Variants in BCL2 observed in about 807,000 individuals in gnomAD.
The protein encoded by BCL2 is BCL2 apoptosis regulator.
Under a neutral mutation model 14.2 loss-of-function variants are expected in BCL2, and 1 was observed. That is an observed-to-expected ratio of 0.07 (90% CI 0.02 to 0.33). BCL2 has a LOEUF of 0.33. BCL2 is among the 10% of genes least tolerant of loss of function. BCL2 has a pLI of 0.99. For synonymous variants in BCL2, 151 were observed against 137.2 expected (o/e 1.10, Z -0.70); for missense variants, 247 against 305.9 (o/e 0.81, Z 1.44).
Position 63,318,744 on chromosome 18 carries a change from G to A in BCL2, c.-78C>T. On this transcript the variant is annotated 5_prime_UTR_variant, in exon 2 of 3. Transcript: ENST00000333681. This position sits in a 1 kb window ranked among gnomAD's most constrained non-coding sequence, Gnocchi z 7.4. ...CACCCCACGGCCCCCAGAGAAAGAAGAGGAGTTATAATCCAGCTATTTTAT... is the reference window on the plus strand; with the variant it reads ...CACCCCACGGCCCCCAGAGAAAGAAAAGGAGTTATAATCCAGCTATTTTAT... The A allele has an allele frequency of 6.3e-7, 1 of 1,590,586 alleles. No homozygotes were observed. The highest frequency in any genetic ancestry group is 8.6e-7 in the Non-Finnish European group (1 of 1,169,086).
At chr18:63,177,604 G>C (rs1915379031) in intron 2 of BCL2, among the ~76,000 whole-genome samples, 1 of 152,232 alleles carries the variant, frequency 6.6e-6, no homozygotes, top group Non-Finnish European at 1.5e-5. Flanking sequence ...CATTTTAAAT[G>C]GGCTGGCTAC....
chr18:63,209,891 GT>G (rs1391128166), intron 2 of BCL2, among the ~76,000 whole-genome samples: 1 of 152,148 alleles, frequency 6.6e-6, no homozygotes, highest in African/African-American at 2.4e-5. Flanking sequence ...AGGGTCTAGT[GT>G]TTAAAGAGAG....
chr18:63,212,932 A>G (rs1320682401), intron 2 of BCL2, among the ~76,000 whole-genome samples: 8 of 152,182 alleles, frequency 5.3e-5, no homozygotes, highest in Admixed American at 4.6e-4. Flanking sequence ...TAGGAAAGAG[A>G]CTGCAGGAAA....
intron 2 of BCL2, among the ~76,000 whole-genome samples, chr18:63,271,842 C>T (rs1305405677): frequency 6.6e-6 from 1 of 152,150 alleles, no homozygotes; most frequent in Non-Finnish European, 1.5e-5. Flanking sequence ...CCTTTCTTTC[C>T]TTTGAAACAG....
Position 63,149,103 on chromosome 18 carries a change from C to T in BCL2, c.586-20344G>A, listed in dbSNP as rs544304328. ...GCTGACACCTCTGTCTCTTTGATAA[C>T]GTTTACATTATGAGAAAAGAATCAA... On this transcript the variant is annotated intron_variant, in intron 2 of 2. Coordinates refer to ENST00000333681, the MANE Select transcript of BCL2 (RefSeq NM_000633.3). The surrounding 1 kb of genome is among the most constrained non-coding windows in gnomAD (Gnocchi z 4.2). Among the ~76,000 whole-genome samples the T allele has an allele frequency of 5.3e-5, 8 of 152,298 alleles. No homozygotes were observed. Among genetic ancestry groups the T allele is most frequent in the East Asian group, 1.9e-4 (1 of 5,190 alleles).
chr18:63,203,652 C>T lies in BCL2; in HGVS notation c.586-74893G>A, dbSNP rs1490673842. Among the ~76,000 whole-genome samples, 7 of 152,208 alleles carry T rather than the reference C, an allele frequency of 4.6e-5. No individual in the cohort carries two copies. In the East Asian group the frequency reaches 1.4e-3, roughly 29 times the overall value. On this transcript the variant is annotated intron_variant, in intron 2 of 2. Transcript: ENST00000333681. ...AGTTGGGGCAAGTTAGGTAACTTCT[C>T]TAAGCCTTTAAATACATTCATACAT...
chr18:63,210,098 C>A (rs1909958736), intron 2 of BCL2, among the ~76,000 whole-genome samples: 1 of 152,120 alleles, frequency 6.6e-6, no homozygotes, highest in Non-Finnish European at 1.5e-5. Flanking sequence ...CTTGAGGAAG[C>A]TAAAGACATG....
chr18:63,260,361 A>C (rs973953475), intron 2 of BCL2, among the ~76,000 whole-genome samples: 1 of 152,192 alleles, frequency 6.6e-6, no homozygotes, highest in African/African-American at 2.4e-5. Flanking sequence ...TGGATCTCCA[A>C]GTTCTGGATT....
chr18:63,287,012 T>A (rs1018088409), intron 2 of BCL2, among the ~76,000 whole-genome samples: 2 of 152,234 alleles, frequency 1.3e-5, no homozygotes, highest in Admixed American at 1.3e-4. Flanking sequence ...AAACATCTTC[T>A]GTAGACATCT....
chr18:63,124,865 A>C lies in BCL2; in HGVS notation c.*3760T>G, dbSNP rs1343004355. 1 of 227,346 alleles carries C rather than the reference A, an allele frequency of 4.4e-6. No homozygotes were observed. Among genetic ancestry groups the C allele is most frequent in the East Asian group, 6.3e-5 (1 of 15,838 alleles). The allele number at this position is 227,346 out of a possible 1,614,324, so 14.1% of individuals were successfully genotyped here. A position where few individuals can be genotyped will look rare whatever the true frequency, so the allele number is the denominator to read the frequency against. On this transcript the variant is annotated 3_prime_UTR_variant, in exon 3 of 3. Coordinates refer to ENST00000333681, the MANE Select transcript of BCL2 (RefSeq NM_000633.3). ...CGAGCCTTTCCTGTTTTTCTCTGAT[A>C]GAGTAGGTGTACATTACTAACTATA...
intron 2 of BCL2, among the ~76,000 whole-genome samples, chr18:63,246,270 A>G (rs1350917950): frequency 1.3e-5 from 2 of 152,072 alleles, no homozygotes; most frequent in African/African-American, 4.8e-5. Flanking sequence ...TTTCCTCAGG[A>G]CTTCTCAGGG....
Position 63,126,754 on chromosome 18 carries a change from A to G in BCL2, c.*1871T>C, listed in dbSNP as rs895072980. 2.2e-4 allele frequency: 49 copies of G among 226,600 alleles called. No homozygotes were observed. Among genetic ancestry groups the G allele is most frequent in the African/African-American group, 9.7e-4 (44 of 45,132 alleles). 14.0% of individuals were successfully genotyped at this position (226,600 alleles called of 1,614,324 possible). On this transcript the variant is annotated 3_prime_UTR_variant, in exon 3 of 3. Transcript: ENST00000333681. Reference sequence around the variant, plus strand: ...AGAAAACGATCACCTTTGCTCACAAATAGTGTATAGGCCATAACTAAATAC... The same window carrying G: ...AGAAAACGATCACCTTTGCTCACAAGTAGTGTATAGGCCATAACTAAATAC...
intron 2 of BCL2, among the ~76,000 whole-genome samples, chr18:63,206,023 C>T (rs1222712580): frequency 6.6e-6 from 1 of 152,196 alleles, no homozygotes; most frequent in Non-Finnish European, 1.5e-5. Flanking sequence ...TTGTACCTTC[C>T]TGCTGTGCCT....
At chr18:63,281,959 A>G (rs1290112412) in intron 2 of BCL2, among the ~76,000 whole-genome samples, 1 of 152,190 alleles carries the variant, frequency 6.6e-6, no homozygotes, top group African/African-American at 2.4e-5. Context: ...TAACAATTTC[A>G]GTAAGTTATT....
intron 2 of BCL2, among the ~76,000 whole-genome samples, chr18:63,263,955 A>T (rs1372091140): frequency 2.0e-5 from 3 of 152,176 alleles, no homozygotes; most frequent in African/African-American, 7.2e-5. Flanking sequence ...TTTTTAGCAG[A>T]GACCGGGTTT....
chr18:63,251,317 T>C (rs1370288901), intron 2 of BCL2, among the ~76,000 whole-genome samples: 1 of 152,006 alleles, frequency 6.6e-6, no homozygotes. Context: ...AAGGAGATGA[T>C]AGTCTGGGGT....
intron 2 of BCL2, among the ~76,000 whole-genome samples, chr18:63,303,492 G>T (rs2144288802): frequency 6.6e-6 from 1 of 152,292 alleles, no homozygotes; most frequent in East Asian, 1.9e-4. Flanking sequence ...AAGGTCACAT[G>T]CATAAAGTTG....
intron 2 of BCL2, among the ~76,000 whole-genome samples, chr18:63,269,153 TA>T (rs1340510102): frequency 6.6e-6 from 1 of 151,956 alleles, no homozygotes; most frequent in Non-Finnish European, 1.5e-5. Flanking sequence ...GGGGTCTCAC[TA>T]TGCTGCCCAG....
intron 2 of BCL2, among the ~76,000 whole-genome samples, chr18:63,254,562 A>G (rs904028478): frequency 2.6e-5 from 4 of 152,020 alleles, no homozygotes; most frequent in Non-Finnish European, 4.4e-5. Flanking sequence ...CTTAAAAAAA[A>G]AAAATGGAAT....
Sources: gnomAD v4.1 joint callset for allele counts (sites outside exome capture counted in the v4.1 genomes callset) on GRCh38, gnomAD v4.1.1 for gene constraint, Gnocchi (gnomAD v3.1) non-coding constraint, MANE v1.5 for transcripts, NCBI Gene and HGNC (gene_info 2026-07-23, HGNC 2026-07-21) for gene names.